RTN4R: variants seen among roughly 807,000 people sequenced by gnomAD.
RTN4R encodes the protein reticulon 4 receptor.
RTN4R carries 4 observed loss-of-function variants against 27.7 expected under a neutral mutation model. The observed-to-expected ratio is 0.14, with a 90% CI of 0.07 to 0.33. The LOEUF (loss-of-function observed/expected upper bound fraction) is 0.33. RTN4R is among the 10% of genes least tolerant of loss of function. The pLI is 1.00. For synonymous variants in RTN4R, 290 were observed against 305.6 expected (o/e 0.95, Z 0.53); for missense variants, 554 against 671.5 (o/e 0.83, Z 1.93).
intron 1 of RTN4R, among the ~76,000 whole-genome samples, chr22:20,245,515 C>G (rs543706469): frequency 5.3e-4 from 80 of 152,230 alleles, no homozygotes; most frequent in Non-Finnish European, 9.1e-4. Context: ...TCCTCTGACC[C>G]CATCCCAGGG....
chr22:20,258,181 G>C (rs2051223115), intron 1 of RTN4R, among the ~76,000 whole-genome samples: 1 of 152,186 alleles, frequency 6.6e-6, no homozygotes, highest in Non-Finnish European at 1.5e-5. Context: ...CCTGACGCCA[G>C]GCCTGAAGCC....
At position 20,255,775 on chromosome 22, in the gene RTN4R, G is replaced by T. The variant is rs1602647108; in HGVS notation, c.22+12296C>A. On this transcript the variant is annotated intron_variant, in intron 1 of 1. Transcript: ENST00000043402. The surrounding 1 kb of genome is among the most constrained non-coding windows in gnomAD (Gnocchi z 4.8). ...GGGGCCCCTCAGGAGCCGGGGGTAGGGGTGTGCGGTCAACACCCAGCAGGG... is the reference window on the plus strand; with the variant it reads ...GGGGCCCCTCAGGAGCCGGGGGTAGTGGTGTGCGGTCAACACCCAGCAGGG... Among the ~76,000 whole-genome samples the T allele has an allele frequency of 6.6e-6, 1 of 152,110 alleles. No individual in the cohort carries two copies. Among genetic ancestry groups the T allele is most frequent in the African/African-American group, 2.4e-5 (1 of 41,416 alleles).
Position 20,268,203 on chromosome 22 carries a change from CCCGGCCGCGGG to C in RTN4R, c.-122_-112del. 1 of 365,166 alleles carries C rather than the reference CCCGGCCGCGGG, an allele frequency of 2.7e-6. No homozygotes were observed. Among genetic ancestry groups the C allele is most frequent in the Non-Finnish European group, 3.9e-6 (1 of 256,798 alleles). The allele number at this position is 365,166 out of a possible 1,614,324, so 22.6% of individuals were successfully genotyped here. A position where few individuals can be genotyped will look rare whatever the true frequency, so the allele number is the denominator to read the frequency against. On this transcript the variant is annotated 5_prime_UTR_variant, in exon 1 of 2. Coordinates refer to ENST00000043402, the MANE Select transcript of RTN4R (RefSeq NM_023004.6). ...CGCCGCCGCTACGGCCCGGCCCCGG[CCCGGCCGCGGG>C]ACGAGGCTCGGCGCGCTCCGCTCCG...
intron 1 of RTN4R, among the ~76,000 whole-genome samples, chr22:20,254,310 T>G (rs1049917129): frequency 6.6e-6 from 1 of 151,468 alleles, no homozygotes; most frequent in African/African-American, 2.4e-5. Context: ...ATGCCTGTAA[T>G]CCCAGCTACT....
intron 1 of RTN4R, among the ~76,000 whole-genome samples, chr22:20,264,000 G>A (rs1045621390): frequency 1.2e-4 from 12 of 100,870 alleles, no homozygotes; most frequent in African/African-American, 4.6e-4. Context: ...TCACCTACCC[G>A]GCCAGCCCAC....
At chr22:20,260,456 C>T (rs1198801639) in intron 1 of RTN4R, among the ~76,000 whole-genome samples, 2 of 152,184 alleles carry the variant, frequency 1.3e-5, no homozygotes, top group Non-Finnish European at 2.9e-5. Flanking sequence ...GGCTGACTCC[C>T]AGGTTCCTGG....
rs1460078636 is a variant in RTN4R, at chr22:20,268,273, CA to C, written c.-182del. 23 of 8,200 alleles carry C rather than the reference CA, an allele frequency of 2.8e-3. No homozygotes were observed. The highest frequency in any genetic ancestry group is 6.4e-3 in the East Asian group (1 of 156). The allele number at this position is 8,200 out of a possible 1,614,324, so 0.5% of individuals were successfully genotyped here. A position where few individuals can be genotyped will look rare whatever the true frequency, so the allele number is the denominator to read the frequency against. On this transcript the variant is annotated 5_prime_UTR_variant, in exon 1 of 2. Transcript: ENST00000043402. ...TGGCTGGGCTCGGGCCGCGGGTGCG[CA>C]GGGCGCGCAGGGCGCACAGGGCGAG...
intron 1 of RTN4R, chr22:20,267,534 G>A (rs2051285263): frequency 2.2e-6 from 1 of 451,878 alleles, no homozygotes; most frequent in Non-Finnish European, 4.6e-6. Context: ...CGCCCTGGAG[G>A]CAGCGCTGGG....
intron 1 of RTN4R, among the ~76,000 whole-genome samples, chr22:20,257,531 G>A (rs763892677): frequency 2.2e-4 from 33 of 152,190 alleles, no homozygotes; most frequent in Non-Finnish European, 4.6e-4. Flanking sequence ...TGCAAGCCAG[G>A]AAGGGAACTT....
At chr22:20,256,422 GC>G (rs2051212472) in intron 1 of RTN4R, among the ~76,000 whole-genome samples, 1 of 152,222 alleles carries the variant, frequency 6.6e-6, no homozygotes, top group Admixed American at 6.5e-5. Context: ...CTCCTGGCCT[GC>G]CCGGGCCACC....
In RTN4R at chr22:20,241,955, G is replaced by T; in HGVS notation, c.1178C>A (p.Pro393His). 1 of 1,609,080 alleles carries T rather than the reference G, an allele frequency of 6.2e-7. No homozygotes were observed. ...PFGTLPGSAE[P>H]PLTAVRPEGS... ...CTCGGGCCGCACTGCAGTGAGCGGG[G>T]GCTCAGCAGAGCCAGGCAGAGTCCC... Residue 393 changes from proline (P) to histidine (H), a missense_variant, in exon 2 of 2, where the codon CCC (proline) becomes CAC (histidine). This residue lies in a region of RTN4R where 141 missense variants were observed against 129.2 expected (regional missense o/e 1.09). Coordinates refer to ENST00000043402, the MANE Select transcript of RTN4R (RefSeq NM_023004.6).
chr22:20,246,104 T>C (rs2051139599), intron 1 of RTN4R, among the ~76,000 whole-genome samples: 2 of 152,350 alleles, frequency 1.3e-5, no homozygotes, highest in South Asian at 4.1e-4. Context: ...AGGATGGCCC[T>C]GCTGGCTGTC....
At chr22:20,247,620 C>T (rs138250750) in intron 1 of RTN4R, among the ~76,000 whole-genome samples, 129 of 152,266 alleles carry the variant, frequency 8.5e-4, no homozygotes, top group Admixed American at 1.7e-3. Flanking sequence ...CCAGGTGCTG[C>T]GGCAGGAGAT....
chr22:20,266,952 G>A (rs1345451335), intron 1 of RTN4R, among the ~76,000 whole-genome samples: 1 of 152,264 alleles, frequency 6.6e-6, no homozygotes, highest in Non-Finnish European at 1.5e-5. Context: ...GGCCCAGGAT[G>A]TCTTGCCCCT....
At chr22:20,265,500 T>C (rs772952856) in intron 1 of RTN4R, among the ~76,000 whole-genome samples, 7 of 152,094 alleles carry the variant, frequency 4.6e-5, no homozygotes, top group Non-Finnish European at 5.9e-5. Flanking sequence ...CATGCAAACC[T>C]ACGTTTCTGC....
intron 1 of RTN4R, among the ~76,000 whole-genome samples, chr22:20,245,221 T>A (rs988924373): frequency 6.6e-6 from 1 of 151,970 alleles, no homozygotes; most frequent in South Asian, 2.1e-4. Context: ...AAGTGGGTAT[T>A]GGGCGCAAAG....
intron 1 of RTN4R, chr22:20,243,381 C>T (rs971239451): frequency 3.3e-5 from 23 of 688,218 alleles, no homozygotes; most frequent in Non-Finnish European, 6.0e-5. Context: ...CAGGAGCAGC[C>T]CACTGGGTCA....
At chr22:20,244,995 C>T (rs779130997) in intron 1 of RTN4R, among the ~76,000 whole-genome samples, 20 of 152,176 alleles carry the variant, frequency 1.3e-4, no homozygotes, top group African/African-American at 4.6e-4. Flanking sequence ...GCTCCAGGCC[C>T]GAAGCTGTGG....
intron 1 of RTN4R, among the ~76,000 whole-genome samples, chr22:20,258,774 A>G (rs1344129574): frequency 1.3e-5 from 2 of 152,068 alleles, no homozygotes; most frequent in Non-Finnish European, 1.5e-5. Flanking sequence ...GGGCCAGGGG[A>G]TCCTGAGTAC....
Sources: allele counts gnomAD v4.1 joint callset (sites outside exome capture counted in the v4.1 genomes callset), GRCh38; gene constraint gnomAD v4.1.1; regional missense constraint gnomAD v4.1.1; non-coding constraint Gnocchi (gnomAD v3.1); transcripts MANE v1.5; gene names NCBI Gene and HGNC (gene_info 2026-07-23, HGNC 2026-07-21).